The following PTPRD variants were observed in gnomAD, a reference collection of about 807,000 sequenced individuals.
PTPRD encodes receptor-type tyrosine-protein phosphatase delta.
In PTPRD, 34 loss-of-function variants were observed where a neutral mutation model predicts 214.5. That is an observed-to-expected ratio of 0.16 (90% CI 0.12 to 0.21). The LOEUF is 0.21. PTPRD is among the 10% of genes least tolerant of loss of function. The pLI is 1.00. For missense variants in PTPRD, 2,545 were observed against 2,398.7 expected, an observed-to-expected ratio of 1.06 and a Z score of -1.27; for synonymous variants, 1,128 against 845.7, an observed-to-expected ratio of 1.33 and a Z score of -5.79.
chr9:9,218,328 T>C (rs971940241), intron 9 of PTPRD, among the ~76,000 whole-genome samples: 1 of 152,164 alleles, frequency 6.6e-6, no homozygotes, highest in Non-Finnish European at 1.5e-5. Flanking sequence ...TCACTTTACC[T>C]TCTTTCTCCC....
At chr9:9,870,105 T>C (rs1033219578) in intron 5 of PTPRD, among the ~76,000 whole-genome samples, 1 of 152,072 alleles carries the variant, frequency 6.6e-6, no homozygotes, top group East Asian at 1.9e-4. Flanking sequence ...TTTCAAAATA[T>C]TATACAACAA....
At chr9:10,054,019 A>T (rs778086545) in intron 3 of PTPRD, among the ~76,000 whole-genome samples, 14 of 152,138 alleles carry the variant, frequency 9.2e-5, no homozygotes, top group Non-Finnish European at 1.5e-4. Context: ...TCAGCATCCC[A>T]AAGCACTGGG....
intron 11 of PTPRD, among the ~76,000 whole-genome samples, chr9:8,813,893 G>C (rs898628115): frequency 2.0e-5 from 3 of 152,174 alleles, no homozygotes; most frequent in Non-Finnish European, 4.4e-5. Flanking sequence ...TTTGGTCCTG[G>C]TCCACCATTT....
chr9:9,687,876 C>A lies in PTPRD; in HGVS notation c.-287+46657G>T, dbSNP rs114180607. On this transcript the variant is annotated intron_variant, in intron 7 of 45. Coordinates refer to ENST00000381196, the MANE Select transcript of PTPRD (RefSeq NM_002839.4). ...GATATTGTTTGGCTCTATGTCCCCA[C>A]CCAACTCTTATCTCGAATTGTAATC... Among the ~76,000 whole-genome samples, 458 of 151,890 alleles carry A rather than the reference C, an allele frequency of 3.0e-3. 2 individuals are homozygous for A. Among genetic ancestry groups the A allele is most frequent in the African/African-American group, 0.011 (437 of 41,462 alleles).
At chr9:10,231,178 G>A (rs10809041) in intron 3 of PTPRD, among the ~76,000 whole-genome samples, 98,461 of 151,752 alleles carry the variant, frequency 0.65, 32,185 homozygotes, top group East Asian at 0.88. Context: ...AAGCGTTCAA[G>A]TTTTAATCAA....
chr9:8,665,504 A>G (rs1479843174), intron 12 of PTPRD, among the ~76,000 whole-genome samples: 1 of 152,200 alleles, frequency 6.6e-6, no homozygotes, highest in Non-Finnish European at 1.5e-5. Flanking sequence ...GCTTACCTGA[A>G]TTAGAAAGAA....
intron 9 of PTPRD, among the ~76,000 whole-genome samples, chr9:9,203,918 T>C (rs959326918): frequency 6.6e-6 from 1 of 152,176 alleles, no homozygotes; most frequent in African/African-American, 2.4e-5. Context: ...AATCAAGCCA[T>C]AGACTGGCTT....
At chr9:10,554,400 T>C (rs2062008754) in intron 2 of PTPRD, among the ~76,000 whole-genome samples, 1 of 152,130 alleles carries the variant, frequency 6.6e-6, no homozygotes. Flanking sequence ...TACTTTTTCA[T>C]ATCTGTGTGG....
chr9:8,574,226 C>T (rs1381387174), intron 14 of PTPRD, among the ~76,000 whole-genome samples: 1 of 151,890 alleles, frequency 6.6e-6, no homozygotes, highest in African/African-American at 2.4e-5. Flanking sequence ...CTTAAAATTA[C>T]CAAAATCATG....
chr9:8,859,360 G>T (rs970046694), intron 11 of PTPRD, among the ~76,000 whole-genome samples: 1 of 152,194 alleles, frequency 6.6e-6, no homozygotes, highest in African/African-American at 2.4e-5. Flanking sequence ...TTAGCTAAGA[G>T]ATGGATTTTA....
intron 24 of PTPRD, among the ~76,000 whole-genome samples, chr9:8,500,340 T>A (rs771744701): frequency 6.6e-6 from 1 of 151,464 alleles, no homozygotes; most frequent in African/African-American, 2.4e-5. Flanking sequence ...ATGTTGAGCA[T>A]CAATGTCTCT....
Position 10,170,701 on chromosome 9 carries a change from G to T in PTPRD, c.-544-136911C>A, listed in dbSNP as rs529279730. 7.2e-5 allele frequency among the ~76,000 whole-genome samples: 11 copies of T among 151,988 alleles called. No homozygotes were observed. In the South Asian group the frequency reaches 2.3e-3, roughly 32 times the overall value. On this transcript the variant is annotated intron_variant, in intron 3 of 45. Coordinates refer to ENST00000381196, the MANE Select transcript of PTPRD (RefSeq NM_002839.4). Reference sequence around the variant, plus strand: ...GACTCCGTCTCAAAGAAAACAAAAAGGAATCATTTTCTAAACAATACAGTT... The same window carrying T: ...GACTCCGTCTCAAAGAAAACAAAAATGAATCATTTTCTAAACAATACAGTT...
chr9:10,468,473 G>A (rs143657277), intron 2 of PTPRD, among the ~76,000 whole-genome samples: 1 of 152,172 alleles, frequency 6.6e-6, no homozygotes, highest in East Asian at 1.9e-4. Flanking sequence ...ACACCGGGAG[G>A]GGAACATCAC....
At chr9:8,934,078 T>C (rs2098972363) in intron 11 of PTPRD, among the ~76,000 whole-genome samples, 1 of 152,006 alleles carries the variant, frequency 6.6e-6, no homozygotes, top group African/African-American at 2.4e-5. Flanking sequence ...AGTCACCATC[T>C]AGCTTCCTTC....
chr9:10,558,957 T>A (rs1162998220), intron 2 of PTPRD, among the ~76,000 whole-genome samples: 3 of 152,204 alleles, frequency 2.0e-5, no homozygotes, highest in Non-Finnish European at 4.4e-5. Context: ...GAAAAACTGA[T>A]CACCTTTACC....
At chr9:9,712,058 A>T (rs904034179) in intron 7 of PTPRD, among the ~76,000 whole-genome samples, 8 of 152,166 alleles carry the variant, frequency 5.3e-5, no homozygotes, top group Non-Finnish European at 8.8e-5. Flanking sequence ...AGCAAAACTC[A>T]AAAATTTAAA....
chr9:10,028,373 G>A (rs998885235), intron 4 of PTPRD, among the ~76,000 whole-genome samples: 2 of 152,150 alleles, frequency 1.3e-5, no homozygotes, highest in Non-Finnish European at 2.9e-5. Context: ...GAGCGCTGCT[G>A]AAAAGATACC....
intron 14 of PTPRD, among the ~76,000 whole-genome samples, chr9:8,547,228 G>C (rs1307060843): frequency 6.6e-6 from 1 of 152,054 alleles, no homozygotes; most frequent in African/African-American, 2.4e-5. Context: ...AAATGTTAAA[G>C]TCACCCAAAG....
At chr9:8,941,076 T>A (rs1342036606) in intron 11 of PTPRD, among the ~76,000 whole-genome samples, 1 of 152,076 alleles carries the variant, frequency 6.6e-6, no homozygotes, top group Non-Finnish European at 1.5e-5. Context: ...TCTCAAGAAA[T>A]CATTTGTGAT....
Sources: allele counts gnomAD v4.1 joint callset (sites outside exome capture counted in the v4.1 genomes callset), GRCh38; gene constraint gnomAD v4.1.1; transcripts MANE v1.5; gene names NCBI Gene and HGNC (gene_info 2026-07-23, HGNC 2026-07-21).